ACTN4: variants seen among roughly 807,000 people sequenced by gnomAD.
ACTN4 encodes alpha-actinin-4.
Under a neutral mutation model 114.2 loss-of-function variants are expected in ACTN4, and 18 were observed. That is an observed-to-expected ratio of 0.16 (90% CI 0.11 to 0.23). The LOEUF (loss-of-function observed/expected upper bound fraction) is 0.23, where lower values mean the gene tolerates loss of function less well. Among genes scored for constraint, ACTN4 ranks in the 10% least tolerant of loss-of-function variants. The pLI is 1.00. For missense variants in ACTN4, 722 were observed against 1,262.9 expected (o/e 0.57, Z 6.49); for synonymous variants, 515 against 506.3 (o/e 1.02, Z -0.23).
At chr19:38,704,739 G>T (rs1968399508) in intron 3 of ACTN4, among the ~76,000 whole-genome samples, 195 bp from the exon 4 acceptor site, 1 of 152,248 alleles carries the variant, frequency 6.6e-6, no homozygotes, top group African/African-American at 2.4e-5. Flanking sequence ...GAGGCTCTGG[G>T]ACAGTGCTGC....
At chr19:38,652,424 A>G (rs1976591814) in intron 1 of ACTN4, among the ~76,000 whole-genome samples, 1 of 152,156 alleles carries the variant, frequency 6.6e-6, no homozygotes, top group African/African-American at 2.4e-5. Flanking sequence ...CTGCAGGGTC[A>G]CTTACACTCA....
rs1312314473 is a variant in ACTN4, at chr19:38,730,744, C to G, written c.*1312C>G. 28 of 1,395,764 alleles carry G rather than the reference C, an allele frequency of 2.0e-5. No homozygotes were observed. The highest frequency in any genetic ancestry group is 3.9e-6 in the Non-Finnish European group (4 of 1,014,736). 86.5% of individuals were successfully genotyped at this position (1,395,764 alleles called of 1,614,324 possible). ...AGCAGTGAGGGCCAGAGACTAGCCC[C>G]AGACAGGTGGATGCCAGAGAGAGTG... On this transcript the variant is annotated 3_prime_UTR_variant, in exon 21 of 21. Coordinates refer to ENST00000252699, the MANE Select transcript of ACTN4 (RefSeq NM_004924.6).
Position 38,730,789 on chromosome 19 carries a change from C to CTTG in ACTN4, c.*1357_*1358insTTG. On this transcript the variant is annotated 3_prime_UTR_variant, in exon 21 of 21. Coordinates refer to ENST00000252699, the MANE Select transcript of ACTN4 (RefSeq NM_004924.6). Reference sequence around the variant, plus strand: ...AGAGTGGCACCCATGCCAGGCAAGGCCTAGGGAGGTGGTCTTGCTCAGCAA... The same window carrying CTTG: ...AGAGTGGCACCCATGCCAGGCAAGGCTTGCTAGGGAGGTGGTCTTGCTCAGCAA... The CTTG allele has an allele frequency of 6.5e-7, 1 of 1,542,996 alleles. No individual in the cohort carries two copies. The highest frequency in any genetic ancestry group is 8.8e-7 in the Non-Finnish European group (1 of 1,141,472).
intron 3 of ACTN4, among the ~76,000 whole-genome samples, chr19:38,702,242 A>G (rs1439831100): frequency 1.3e-5 from 2 of 152,168 alleles, no homozygotes; most frequent in Non-Finnish European, 2.9e-5. Flanking sequence ...TGGTCTAAAA[A>G]TGTTCTCTGT....
At chr19:38,685,763 C>A (rs971388485) in intron 1 of ACTN4, among the ~76,000 whole-genome samples, 2 of 152,098 alleles carry the variant, frequency 1.3e-5, no homozygotes, top group African/African-American at 4.8e-5. Flanking sequence ...CCTGAGACAC[C>A]CCTCTCTGCT....
At chr19:38,652,648 G>C (rs1012062701) in intron 1 of ACTN4, among the ~76,000 whole-genome samples, 2 of 152,162 alleles carry the variant, frequency 1.3e-5, no homozygotes, top group Non-Finnish European at 2.9e-5. Context: ...TCCATTTAAC[G>C]GCAGCCGACT....
chr19:38,700,953 T>A (rs192670412), intron 2 of ACTN4, 49 bp from the exon 3 acceptor site: 1 of 1,606,836 alleles, frequency 6.2e-7, no homozygotes, highest in African/African-American at 1.3e-5. Flanking sequence ...CCTCTCTCCC[T>A]TTCTCTCTCT....
At chr19:38,686,961 GTC>G (rs1457118781) in intron 1 of ACTN4, among the ~76,000 whole-genome samples, 6 of 136,490 alleles carry the variant, frequency 4.4e-5, no homozygotes, top group Admixed American at 7.6e-5. Flanking sequence ...TGGTGGCAGA[GTC>G]TCTTTTTTTT....
intron 1 of ACTN4, among the ~76,000 whole-genome samples, chr19:38,697,047 T>C (rs1267079050): frequency 6.6e-6 from 1 of 152,260 alleles, no homozygotes. Flanking sequence ...TGAGGCTTAT[T>C]GCTTGCCTGA....
chr19:38,721,067 A>T (rs1969022759), intron 11 of ACTN4, among the ~76,000 whole-genome samples: 1 of 152,172 alleles, frequency 6.6e-6, no homozygotes, highest in African/African-American at 2.4e-5. Context: ...TTAGACGTGG[A>T]GAGGACCACC....
chr19:38,700,845 C>T (rs1968248392), intron 2 of ACTN4, 131 bp downstream of exon 2: 19 of 1,364,074 alleles, frequency 1.4e-5, no homozygotes, highest in East Asian at 7.4e-5. Flanking sequence ...AATAGCTGCA[C>T]GGTGGTCTGA....
rs138635280 is a variant in ACTN4, at chr19:38,665,466, C to T, written c.162+17559C>T. ...ATTTCAATGGCACATGGTCCTGCAT[C>T]CAGGTGGGATCTGCTACTTGAGTCT... On this transcript the variant is annotated intron_variant, in intron 1 of 20. Coordinates refer to ENST00000252699, the MANE Select transcript of ACTN4 (RefSeq NM_004924.6). Among the ~76,000 whole-genome samples, 497 of 152,308 alleles carry T rather than the reference C, an allele frequency of 3.3e-3. 6 individuals carry two copies. Among genetic ancestry groups the T allele is most frequent in the African/African-American group, 8.6e-3 (358 of 41,564 alleles).
chr19:38,703,222 G>C (rs1968342401), intron 3 of ACTN4, among the ~76,000 whole-genome samples: 1 of 149,332 alleles, frequency 6.7e-6, no homozygotes, highest in Non-Finnish European at 1.5e-5. Flanking sequence ...CCCTTCTTTT[G>C]AGAAGTTTCA....
At position 38,658,234 on chromosome 19, in the gene ACTN4, T is replaced by C. The variant is rs576430875; in HGVS notation, c.162+10327T>C. On this transcript the variant is annotated intron_variant, in intron 1 of 20. Transcript: ENST00000252699. ...GGAGAAGAAAAAGGAGAGCACTCCA[T>C]GAAATCCGCTGCTGGCTTTGTAGCC... Among the ~76,000 whole-genome samples the C allele has an allele frequency of 1.1e-4, 17 of 152,320 alleles. No individual in the cohort carries two copies. In the South Asian group the frequency reaches 3.5e-3, roughly 32 times the overall value.
At chr19:38,711,223 G>T in intron 8 of ACTN4, 3 of 931,400 alleles carry the variant, frequency 3.2e-6, no homozygotes, top group Non-Finnish European at 3.8e-6. Flanking sequence ...CGCCCTCCCT[G>T]CGTCTTTCAC....
At position 38,730,733 on chromosome 19, in the gene ACTN4, G is replaced by A. The variant is rs896894226; in HGVS notation, c.*1301G>A. 1.4e-5 allele frequency: 19 copies of A among 1,315,234 alleles called. No individual in the cohort carries two copies. Among genetic ancestry groups the A allele is most frequent in the Non-Finnish European group, 2.0e-5 (19 of 945,256 alleles). The allele number at this position is 1,315,234 out of a possible 1,614,324, so 81.5% of individuals were successfully genotyped here. ...ACCCGGCCGTGAGCAGTGAGGGCCA[G>A]AGACTAGCCCCAGACAGGTGGATGC... On this transcript the variant is annotated 3_prime_UTR_variant, in exon 21 of 21. Transcript: ENST00000252699.
intron 3 of ACTN4, among the ~76,000 whole-genome samples, chr19:38,701,642 C>G (rs2144996366): frequency 6.6e-6 from 1 of 152,300 alleles, no homozygotes; most frequent in Admixed American, 6.5e-5. Flanking sequence ...TTGCCTCTGA[C>G]CACCCCAGGA....
At position 38,723,719 on chromosome 19, in the gene ACTN4, G is replaced by A. The variant is rs781480076; in HGVS notation, c.1548G>A (p.Leu516=). ...GSLTHSRREA[L]EKTEKQLEAI... ...TGACACATAGTCGCAGGGAAGCCCTGGAGGTGAGGAGGGGGTGACATCACC... is the reference window on the plus strand; with the variant it reads ...TGACACATAGTCGCAGGGAAGCCCTAGAGGTGAGGAGGGGGTGACATCACC... Residue 516 remains leucine, a synonymous_variant, in exon 13 of 21, where the codon CTG becomes CTA. Coordinates refer to ENST00000252699, the MANE Select transcript of ACTN4 (RefSeq NM_004924.6). The A allele has an allele frequency of 6.2e-6, 10 of 1,605,978 alleles. No individual in the cohort carries two copies. In the South Asian group the frequency reaches 7.8e-5, roughly 12 times the overall value.
At chr19:38,722,219 C>G (rs8111746) in intron 12 of ACTN4, among the ~76,000 whole-genome samples, 2 of 151,962 alleles carry the variant, frequency 1.3e-5, no homozygotes, top group Non-Finnish European at 2.9e-5. Flanking sequence ...CTGAGGGTCG[C>G]GCTGGTGAAT....
Sources: gnomAD v4.1 joint callset for allele counts (sites outside exome capture counted in the v4.1 genomes callset) on GRCh38, gnomAD v4.1.1 for gene constraint, MANE v1.5 for transcripts, NCBI Gene and HGNC (gene_info 2026-07-23, HGNC 2026-07-21) for gene names.